The following NRG3 variants were observed in gnomAD, a reference collection of about 807,000 sequenced individuals.
The protein encoded by NRG3 is pro-neuregulin-3, membrane-bound isoform.
NRG3 carries 31 observed loss-of-function variants against 66.9 expected under a neutral mutation model. The ratio of observed to expected loss-of-function variants is 0.46; its 90% CI spans 0.35 to 0.63. The LOEUF is 0.63. NRG3 is among the 20% of genes least tolerant of loss of function. NRG3 has a pLI of 0.00. For synonymous variants in NRG3, 393 were observed against 359.4 expected (o/e 1.09, Z -1.06); for missense variants, 910 against 878.9 (o/e 1.04, Z -0.45).
At chr10:82,656,308 C>CTTTTTTTTT (rs3040205) in intron 2 of NRG3, among the ~76,000 whole-genome samples, 23 of 132,006 alleles carry the variant, frequency 1.7e-4, no homozygotes, top group South Asian at 2.4e-4. Flanking sequence ...TTTCTTTTTT[C>CTTTTTTTTT]TTTTTTTTTT....
chr10:82,345,956 G>A (rs2082992636), intron 1 of NRG3, among the ~76,000 whole-genome samples: 1 of 152,198 alleles, frequency 6.6e-6, no homozygotes, highest in African/African-American at 2.4e-5. Context: ...AGCTTAAGCA[G>A]ATTTTGGGCT....
chr10:82,199,085 T>C (rs1764070), intron 1 of NRG3, among the ~76,000 whole-genome samples: 8,223 of 147,866 alleles, frequency 0.056, 285 homozygotes, highest in South Asian at 0.15. Flanking sequence ...AGGAGAATTG[T>C]TGGAACCTGG....
At chr10:82,166,896 T>C in intron 1 of NRG3, 1 of 576,008 alleles carries the variant, frequency 1.7e-6, no homozygotes, top group Non-Finnish European at 3.2e-6. Flanking sequence ...TTTTTTTTTA[T>C]TCCCTCCTTG....
chr10:82,470,566 G>A (rs983499836), intron 2 of NRG3, among the ~76,000 whole-genome samples: 1 of 152,190 alleles, frequency 6.6e-6, no homozygotes, highest in African/African-American at 2.4e-5. Context: ...TTCGTCAGAG[G>A]CCCATGACTG....
At chr10:82,424,547 T>C (rs975763246) in intron 2 of NRG3, among the ~76,000 whole-genome samples, 1 of 152,080 alleles carries the variant, frequency 6.6e-6, no homozygotes, top group African/African-American at 2.4e-5. Flanking sequence ...CAAATCCCTT[T>C]TGAGGCATAT....
chr10:82,542,607 A>G (rs565788579), intron 2 of NRG3, among the ~76,000 whole-genome samples: 5 of 152,362 alleles, frequency 3.3e-5, no homozygotes, highest in Admixed American at 6.5e-5. Context: ...ACTTTAGTCA[A>G]GTGCTCAAAG....
chr10:82,906,509 G>C (rs1436135008), intron 4 of NRG3, among the ~76,000 whole-genome samples: 1 of 152,086 alleles, frequency 6.6e-6, no homozygotes, highest in Non-Finnish European at 1.5e-5. Context: ...GCAACAGTTT[G>C]ACATAAATGT....
chr10:82,900,835 C>T (rs1378663951), intron 4 of NRG3, among the ~76,000 whole-genome samples: 3 of 152,280 alleles, frequency 2.0e-5, no homozygotes, highest in Admixed American at 6.5e-5. Context: ...AGATGACACA[C>T]ATTTTGATGA....
intron 2 of NRG3, among the ~76,000 whole-genome samples, chr10:82,521,232 A>G (rs1475811700): frequency 6.6e-6 from 1 of 152,184 alleles, no homozygotes; most frequent in Non-Finnish European, 1.5e-5. Flanking sequence ...AATACTAACA[A>G]TCATCTGAGC....
At chr10:82,040,562 C>T (rs554385732) in intron 1 of NRG3, among the ~76,000 whole-genome samples, 24 of 151,912 alleles carry the variant, frequency 1.6e-4, no homozygotes, top group Non-Finnish European at 3.4e-4. Flanking sequence ...TACAAGACCA[C>T]CAGGCTCAAA....
intron 1 of NRG3, among the ~76,000 whole-genome samples, chr10:82,002,498 C>T (rs1324810431): frequency 6.6e-6 from 1 of 152,126 alleles, no homozygotes; most frequent in East Asian, 1.9e-4. Flanking sequence ...AGCAGCTGTG[C>T]AGTGTTTTTC....
intron 1 of NRG3, among the ~76,000 whole-genome samples, chr10:82,015,200 G>A (rs980080753): frequency 6.6e-6 from 1 of 151,992 alleles, no homozygotes; most frequent in African/African-American, 2.4e-5. Context: ...TTCTTACTTG[G>A]GTTCTCTAAA....
chr10:82,705,311 G>A (rs775199786), intron 2 of NRG3, among the ~76,000 whole-genome samples: 1 of 152,154 alleles, frequency 6.6e-6, no homozygotes, highest in Non-Finnish European at 1.5e-5. Context: ...TGTCTGCTTT[G>A]CATGTTAGAC....
intron 4 of NRG3, among the ~76,000 whole-genome samples, chr10:82,949,047 T>G (rs1389433821): frequency 6.6e-6 from 1 of 152,134 alleles, no homozygotes; most frequent in African/African-American, 2.4e-5. Context: ...CTACTCTTTA[T>G]TAGGTTGAGG....
chr10:82,542,178 G>A (rs576625010), intron 2 of NRG3, among the ~76,000 whole-genome samples: 1 of 152,054 alleles, frequency 6.6e-6, no homozygotes, highest in Non-Finnish European at 1.5e-5. Context: ...GTGGTGTTTG[G>A]TGTTCTGTTC....
chr10:82,286,837 C>T (rs985926319), intron 1 of NRG3, among the ~76,000 whole-genome samples: 2 of 152,128 alleles, frequency 1.3e-5, no homozygotes, highest in South Asian at 2.1e-4. Context: ...CTGCCCACCT[C>T]GGCCTTCCAA....
chr10:82,067,611 G>C (rs2064557946), intron 1 of NRG3, among the ~76,000 whole-genome samples: 1 of 152,212 alleles, frequency 6.6e-6, no homozygotes, highest in South Asian at 2.1e-4. Context: ...GCCTCCCAAA[G>C]TGTTGGGATT....
chr10:82,163,504 G>A (rs2347777), intron 1 of NRG3, among the ~76,000 whole-genome samples: 317 of 152,258 alleles, frequency 2.1e-3, no homozygotes, highest in African/African-American at 7.4e-3. Context: ...TTAGATTTTC[G>A]ATTAGACATC....
intron 3 of NRG3, among the ~76,000 whole-genome samples, chr10:82,827,747 C>T (rs537529160): frequency 5.5e-4 from 83 of 152,228 alleles, no homozygotes; most frequent in Admixed American, 4.2e-3. Context: ...CAAATAGCAA[C>T]ATATCTCCCA....
Sources: gnomAD v4.1 joint callset for allele counts (sites outside exome capture counted in the v4.1 genomes callset) on GRCh38, gnomAD v4.1.1 for gene constraint, MANE v1.5 for transcripts, NCBI Gene and HGNC (gene_info 2026-07-23, HGNC 2026-07-21) for gene names.